BCAS1: variants seen among roughly 807,000 people sequenced by gnomAD.
BCAS1 encodes the protein breast carcinoma-amplified sequence 1.
BCAS1 carries 46 observed loss-of-function variants against 65.4 expected under a neutral mutation model. The ratio of observed to expected loss-of-function variants is 0.70; its 90% CI spans 0.55 to 0.90. BCAS1 has a LOEUF of 0.90. Among genes scored for constraint, BCAS1 ranks in the 40% least tolerant of loss-of-function variants. The pLI, the probability that BCAS1 is intolerant of heterozygous loss-of-function variation, is 0.00. For missense variants in BCAS1, 793 were observed against 771.2 expected (o/e 1.03, Z -0.33); for synonymous variants, 298 against 293.5 (o/e 1.02, Z -0.16).
intron 4 of BCAS1, 97 bp downstream of exon 4, chr20:54,028,295 C>G (rs1284022517): frequency 7.6e-7 from 1 of 1,318,250 alleles, no homozygotes. Flanking sequence ...GCCACCTTGC[C>G]TAGGCCCAGG....
At chr20:53,995,531 A>G (rs189653011) in intron 5 of BCAS1, among the ~76,000 whole-genome samples, 13 of 149,640 alleles carry the variant, frequency 8.7e-5, no homozygotes, top group Admixed American at 1.3e-4. Context: ...TTTATTTGCC[A>G]CTTGAGTGGC....
At chr20:53,976,765 C>T (rs747426983) in intron 8 of BCAS1, among the ~76,000 whole-genome samples, 1 of 152,212 alleles carries the variant, frequency 6.6e-6, no homozygotes, top group Non-Finnish European at 1.5e-5. Flanking sequence ...ATTATTCTCT[C>T]TAGATGAGAT....
intron 4 of BCAS1, among the ~76,000 whole-genome samples, chr20:54,020,779 T>C (rs985447551): frequency 2.0e-5 from 3 of 152,270 alleles, no homozygotes; most frequent in African/African-American, 7.2e-5. Context: ...AAAAATAAGG[T>C]AGTGGGTCAA....
rs764227966 is a variant in BCAS1, at chr20:53,995,918, AATT to A, written c.853_855del (p.Asn285del). ...AGAGTTTTAAAGAAACTCATGATGG[AATT>A]ATTATTCTCTGCTATAGCTGCTGCC... On this transcript the variant is annotated inframe_deletion, in exon 5 of 13. Coordinates refer to ENST00000688948, the MANE Select transcript of BCAS1 (RefSeq NM_001366298.2). The A allele has an allele frequency of 6.2e-7, 1 of 1,610,412 alleles. No individual in the cohort carries two copies. The highest frequency in any genetic ancestry group is 2.2e-5 in the East Asian group (1 of 44,816).
intron 2 of BCAS1, 104 bp from the exon 3 acceptor site, chr20:54,058,258 CTT>C (rs1346024053): frequency 9.4e-7 from 1 of 1,067,278 alleles, no homozygotes; most frequent in East Asian, 2.5e-5. Flanking sequence ...AAAAATTAAA[CTT>C]AACTTAAAGG....
At chr20:53,979,711 A>G (rs1271695805) in intron 8 of BCAS1, among the ~76,000 whole-genome samples, 1 of 152,212 alleles carries the variant, frequency 6.6e-6, no homozygotes, top group East Asian at 1.9e-4. Context: ...CCTATCTTGG[A>G]TTCCTAGAAC....
chr20:54,024,891 G>C (rs1428351220), intron 4 of BCAS1, among the ~76,000 whole-genome samples: 3 of 151,928 alleles, frequency 2.0e-5, no homozygotes, highest in East Asian at 3.9e-4. Flanking sequence ...AGAGAGAAAA[G>C]AAGAGAAGTG....
At chr20:54,039,255 A>C (rs2091949614) in intron 3 of BCAS1, among the ~76,000 whole-genome samples, 1 of 151,526 alleles carries the variant, frequency 6.6e-6, no homozygotes, top group African/African-American at 2.4e-5. Context: ...CTTTCACTGA[A>C]TGATCGCATT....
intron 4 of BCAS1, among the ~76,000 whole-genome samples, chr20:53,997,855 G>A (rs6013866): frequency 0.13 from 19,027 of 151,846 alleles, 2,589 homozygotes; most frequent in African/African-American, 0.34. Flanking sequence ...AGGCGGACTC[G>A]ACTCTCACCT....
intron 4 of BCAS1, among the ~76,000 whole-genome samples, chr20:53,998,771 TTAATA>T (rs1308329151): frequency 3.3e-5 from 5 of 151,636 alleles, no homozygotes; most frequent in African/African-American, 1.2e-4. Context: ...TCGCTTAATC[TTAATA>T]TATTATTATT....
At chr20:54,054,999 AT>A (rs1288984864) in intron 3 of BCAS1, among the ~76,000 whole-genome samples, 1 of 152,228 alleles carries the variant, frequency 6.6e-6, no homozygotes, top group African/African-American at 2.4e-5. Context: ...TGCATAATAT[AT>A]AAAAAACATA....
At chr20:53,969,807 G>A (rs1261268742) in intron 9 of BCAS1, among the ~76,000 whole-genome samples, 1 of 152,186 alleles carries the variant, frequency 6.6e-6, no homozygotes, top group African/African-American at 2.4e-5. Flanking sequence ...GAAGGTCACA[G>A]CCAAAGACTT....
chr20:53,991,443 G>A (rs1285953580), intron 7 of BCAS1, among the ~76,000 whole-genome samples: 1 of 152,192 alleles, frequency 6.6e-6, no homozygotes, highest in Non-Finnish European at 1.5e-5. Flanking sequence ...ACAATCCCGG[G>A]ACTGTGACAT....
Position 53,957,415 on chromosome 20 carries a change from A to G in BCAS1, c.1551+17T>C, listed in dbSNP as rs2083163991. 3 of 1,607,622 alleles carry G rather than the reference A, an allele frequency of 1.9e-6. No homozygotes were observed. Among genetic ancestry groups the G allele is most frequent in the South Asian group, 1.1e-5 (1 of 90,952 alleles). The stretch of plus-strand genomic sequence containing the variant: ...CACCACTAATCCCACCACCAAACTG[A>G]GTTCGAGGTCACTTACTTGGCAGCT... On this transcript the variant is annotated intron_variant, in intron 11 of 12. Transcript: ENST00000688948.
At chr20:54,057,988 C>T (rs949282728) in intron 3 of BCAS1, 97 bp downstream of exon 3, 13 of 946,920 alleles carry the variant, frequency 1.4e-5, no homozygotes, top group Admixed American at 4.6e-5. Flanking sequence ...CCTGCGGCTT[C>T]GACCCTTTCA....
chr20:53,996,498 A>G (rs958412024), intron 4 of BCAS1, among the ~76,000 whole-genome samples: 8 of 151,928 alleles, frequency 5.3e-5, no homozygotes, highest in Non-Finnish European at 1.2e-4. Context: ...AGAAAAAGAA[A>G]AAGTACTGGT....
At chr20:54,046,462 G>GTGAAGCA (rs1165042085) in intron 3 of BCAS1, among the ~76,000 whole-genome samples, 1 of 148,830 alleles carries the variant, frequency 6.7e-6, no homozygotes, top group African/African-American at 2.5e-5. Flanking sequence ...CTGGAAGGCA[G>GTGAAGCA]AGGTTGCAGT....
At chr20:54,048,446 G>A (rs987044350) in intron 3 of BCAS1, among the ~76,000 whole-genome samples, 17 of 152,036 alleles carry the variant, frequency 1.1e-4, no homozygotes, top group Non-Finnish European at 2.1e-4. Flanking sequence ...CCAATAAGAG[G>A]ATGCCTACAT....
At chr20:53,954,335 G>GAGAGAGAGAGAGAGAGAGAGAGA (rs1555840854) in intron 11 of BCAS1, among the ~76,000 whole-genome samples, 18 of 138,536 alleles carry the variant, frequency 1.3e-4, no homozygotes, top group African/African-American at 3.2e-4. Flanking sequence ...GAGAGAGAGA[G>GAGAGAGAGAGAGAGAGAGAGAGA]GGACCAGGCA....
Sources: gnomAD v4.1 joint callset for allele counts (sites outside exome capture counted in the v4.1 genomes callset) on GRCh38, gnomAD v4.1.1 for gene constraint, MANE v1.5 for transcripts, NCBI Gene and HGNC (gene_info 2026-07-23, HGNC 2026-07-21) for gene names.